AKAP6: variants seen among roughly 807,000 people sequenced by gnomAD.
The protein encoded by AKAP6 is A-kinase anchor protein 6.
Under a neutral mutation model 188.5 loss-of-function variants are expected in AKAP6, and 58 were observed. The ratio of observed to expected loss-of-function variants is 0.31; its 90% CI spans 0.25 to 0.38. AKAP6 has a LOEUF of 0.38. Among genes scored for constraint, AKAP6 ranks in the 10% least tolerant of loss-of-function variants. The pLI is 1.00. For synonymous variants in AKAP6, 989 were observed against 998.6 expected (o/e 0.99, Z 0.18); for missense variants, 2,710 against 2,740.0 (o/e 0.99, Z 0.24).
chr14:32,390,259 C>T (rs1468800917), intron 1 of AKAP6, among the ~76,000 whole-genome samples: 2 of 152,074 alleles, frequency 1.3e-5, no homozygotes, highest in Admixed American at 6.6e-5. Flanking sequence ...CTTCTTGCAG[C>T]ATTTTTTGGA....
chr14:32,429,449 A>C (rs1890144875), intron 1 of AKAP6, among the ~76,000 whole-genome samples: 1 of 152,240 alleles, frequency 6.6e-6, no homozygotes. Flanking sequence ...AAAAAATTAT[A>C]ATTTATCTTT....
chr14:32,613,902 C>T (rs1886451957), intron 7 of AKAP6, among the ~76,000 whole-genome samples: 1 of 152,156 alleles, frequency 6.6e-6, no homozygotes, highest in African/African-American at 2.4e-5. Context: ...GTCAATTAGA[C>T]TAAATATGAC....
At chr14:32,421,484 G>A (rs79485720) in intron 1 of AKAP6, among the ~76,000 whole-genome samples, 7,303 of 151,342 alleles carry the variant, frequency 0.048, 222 homozygotes, top group East Asian at 0.083. Flanking sequence ...TTTTTGTTCC[G>A]CAAATATTTC....
intron 7 of AKAP6, among the ~76,000 whole-genome samples, chr14:32,635,403 A>G (rs1214222749): frequency 6.6e-6 from 1 of 152,084 alleles, no homozygotes; most frequent in Non-Finnish European, 1.5e-5. Context: ...TTTATTGTCC[A>G]TTCTAATTTG....
At chr14:32,492,353 TATAGAGAG>T (rs1162345808) in intron 2 of AKAP6, among the ~76,000 whole-genome samples, 9 of 52,242 alleles carry the variant, frequency 1.7e-4, no homozygotes, top group Admixed American at 6.2e-4. Flanking sequence ...TATATATATA[TATAGAGAG>T]AGAGAGAGAG....
chr14:32,769,041 T>A (rs1054769950), intron 11 of AKAP6, among the ~76,000 whole-genome samples: 2 of 99,350 alleles, frequency 2.0e-5, no homozygotes, highest in African/African-American at 7.6e-5. Flanking sequence ...CTTTTGATTT[T>A]TTTTTTTTTT....
At chr14:32,423,426 A>G (rs550085795) in intron 1 of AKAP6, among the ~76,000 whole-genome samples, 1 of 152,144 alleles carries the variant, frequency 6.6e-6, no homozygotes, top group Admixed American at 6.5e-5. Flanking sequence ...TTGATCCCCC[A>G]CCTTCATCTC....
chr14:32,434,549 T>A (rs557648511), intron 2 of AKAP6, among the ~76,000 whole-genome samples: 1 of 152,318 alleles, frequency 6.6e-6, no homozygotes, highest in Admixed American at 6.5e-5. Flanking sequence ...CTCAGGTCAG[T>A]GACCTGCAGA....
At chr14:32,535,346 T>A (rs1882624376) in intron 2 of AKAP6, among the ~76,000 whole-genome samples, 1 of 152,190 alleles carries the variant, frequency 6.6e-6, no homozygotes, top group Admixed American at 6.5e-5. Context: ...TAGAAAAAGA[T>A]TGATTTACCT....
intron 4 of AKAP6, among the ~76,000 whole-genome samples, chr14:32,574,452 C>T (rs1391494800): frequency 1.3e-5 from 2 of 152,102 alleles, no homozygotes; most frequent in African/African-American, 4.8e-5. Flanking sequence ...AATCATGGTT[C>T]TGTTAGGAAA....
intron 7 of AKAP6, among the ~76,000 whole-genome samples, chr14:32,673,913 G>T (rs1326158653): frequency 2.0e-5 from 3 of 152,128 alleles, no homozygotes; most frequent in African/African-American, 7.2e-5. Context: ...AGAAAAAAAT[G>T]TAAACCAGCA....
intron 2 of AKAP6, among the ~76,000 whole-genome samples, chr14:32,435,252 T>C (rs1890343085): frequency 6.6e-6 from 1 of 152,172 alleles, no homozygotes; most frequent in Non-Finnish European, 1.5e-5. Context: ...GAAAGTCAAC[T>C]ACTGCTTTCT....
At chr14:32,768,959 T>C (rs943285285) in intron 11 of AKAP6, among the ~76,000 whole-genome samples, 4 of 149,514 alleles carry the variant, frequency 2.7e-5, no homozygotes, top group African/African-American at 4.9e-5. Flanking sequence ...TGGTCATAGG[T>C]AGCAGACAAA....
At chr14:32,735,991 C>G in intron 11 of AKAP6, 109 bp downstream of exon 11, 1 of 807,028 alleles carries the variant, frequency 1.2e-6, no homozygotes, top group Non-Finnish European at 1.9e-6. Context: ...TCACTGTGCA[C>G]CTAAATGTTT....
At chr14:32,645,241 C>T (rs552308042) in intron 7 of AKAP6, among the ~76,000 whole-genome samples, 32 of 152,220 alleles carry the variant, frequency 2.1e-4, no homozygotes, top group African/African-American at 6.7e-4. Context: ...AAAGCTATTT[C>T]GTCCTAGAAG....
At position 32,524,218 on chromosome 14, in the gene AKAP6, A is replaced by G. The variant is rs143951613; in HGVS notation, c.325-11336A>G. Among the ~76,000 whole-genome samples, 4 of 152,278 alleles carry G rather than the reference A, an allele frequency of 2.6e-5. No individual in the cohort carries two copies. The East Asian group carries it at 7.7e-4, about 29-fold the overall frequency. ...TCAAGATAAAAACTGGGCAAAAGTA[A>G]ATTATTATATGCAGGTACTCTTGTG... On this transcript the variant is annotated intron_variant, in intron 2 of 13. Transcript: ENST00000280979.
At chr14:32,452,408 T>G (rs1407250145) in intron 2 of AKAP6, among the ~76,000 whole-genome samples, 1 of 152,184 alleles carries the variant, frequency 6.6e-6, no homozygotes, top group Non-Finnish European at 1.5e-5. Flanking sequence ...AGTCTCCTAT[T>G]CATGGATATA....
At chr14:32,362,022 G>A (rs1244993517) in intron 1 of AKAP6, among the ~76,000 whole-genome samples, 1 of 151,964 alleles carries the variant, frequency 6.6e-6, no homozygotes, top group Non-Finnish European at 1.5e-5. Context: ...TAAAATGATT[G>A]ATTTTAAACA....
At chr14:32,584,511 C>T (rs935231443) in intron 5 of AKAP6, among the ~76,000 whole-genome samples, 1 of 152,190 alleles carries the variant, frequency 6.6e-6, no homozygotes, top group African/African-American at 2.4e-5. Context: ...CTACTGTATA[C>T]AATTTTATGA....
Sources: gnomAD v4.1 joint callset for allele counts (sites outside exome capture counted in the v4.1 genomes callset) on GRCh38, gnomAD v4.1.1 for gene constraint, MANE v1.5 for transcripts, NCBI Gene and HGNC (gene_info 2026-07-23, HGNC 2026-07-21) for gene names.